The following RERE variants were observed in gnomAD, a reference collection of about 807,000 sequenced individuals.
RERE encodes the protein arginine-glutamic acid dipeptide repeats.
A neutral mutation model predicts 146.1 loss-of-function variants in RERE; 40 were observed. That is an observed-to-expected ratio of 0.27 (90% confidence interval 0.21 to 0.36). The LOEUF is 0.36. Ranked by LOEUF, RERE falls within the 10% of genes least tolerant of loss-of-function variation. The pLI, the probability that RERE is intolerant of heterozygous loss-of-function variation, is 1.00. For missense variants in RERE, 1,933 were observed against 2,138.7 expected, an observed-to-expected ratio of 0.90 and a Z score of 1.90; for synonymous variants, 1,003 against 866.0, an observed-to-expected ratio of 1.16 and a Z score of -2.78.
chr1:8,757,205 C>A (rs1250954135), intron 1 of RERE, among the ~76,000 whole-genome samples: 6 of 150,698 alleles, frequency 4.0e-5, no homozygotes, highest in Non-Finnish European at 8.8e-5. Context: ...AAAGTGTTAA[C>A]AGCTGGCAAA....
intron 8 of RERE, among the ~76,000 whole-genome samples, chr1:8,507,737 CTTT>C (rs58647657): frequency 5.8e-5 from 5 of 85,944 alleles, no homozygotes; most frequent in South Asian, 3.9e-4. Context: ...CATCTTTTAT[CTTT>C]TTTTTTTTTT....
At chr1:8,416,466 G>A (rs1038629279) in intron 12 of RERE, among the ~76,000 whole-genome samples, 52 of 151,598 alleles carry the variant, frequency 3.4e-4, no homozygotes, top group Non-Finnish European at 1.8e-4. Flanking sequence ...GGCGCCTGTA[G>A]TCCCAGCTAC....
intron 4 of RERE, among the ~76,000 whole-genome samples, chr1:8,584,192 G>A (rs1291271528): frequency 2.6e-5 from 4 of 151,908 alleles, no homozygotes; most frequent in African/African-American, 9.7e-5. Context: ...AGAGAAGTCA[G>A]AAAGAAATAA....
At chr1:8,766,994 T>C (rs778842798) in intron 1 of RERE, among the ~76,000 whole-genome samples, 2 of 152,236 alleles carry the variant, frequency 1.3e-5, no homozygotes. Context: ...AACTGCATTA[T>C]TTTTCTTTTA....
chr1:8,646,895 C>T (rs537754989), intron 2 of RERE, among the ~76,000 whole-genome samples: 2 of 152,164 alleles, frequency 1.3e-5, no homozygotes, highest in Admixed American at 6.5e-5. Flanking sequence ...CCAAGGTGGG[C>T]GGATAGTGTG....
rs116382920 is a variant in RERE at position 8,466,910 on chromosome 1, G to A, written c.1105-887C>T. 5.3e-3 allele frequency among the ~76,000 whole-genome samples: 800 copies of A among 152,312 alleles called. 8 individuals carry two copies. Among genetic ancestry groups the A allele is most frequent in the African/African-American group, 0.018 (769 of 41,570 alleles). ...AACTTGCAGATAATGTAGAGAAACAGCAGGTACAAAGATCCTCCTGCTCTA... is the reference window on the plus strand; with the variant it reads ...AACTTGCAGATAATGTAGAGAAACAACAGGTACAAAGATCCTCCTGCTCTA... On this transcript the variant is annotated intron_variant, in intron 10 of 22. Coordinates refer to ENST00000400908, the MANE Select transcript of RERE (RefSeq NM_001042681.2).
intron 8 of RERE, among the ~76,000 whole-genome samples, chr1:8,503,713 C>A (rs1484576039): frequency 6.6e-6 from 1 of 152,114 alleles, no homozygotes; most frequent in Non-Finnish European, 1.5e-5. Flanking sequence ...ATTAAAACTA[C>A]ACCAAATGGA....
intron 1 of RERE, among the ~76,000 whole-genome samples, chr1:8,673,245 GCCA>G (rs1638761719): frequency 6.6e-6 from 1 of 152,044 alleles, no homozygotes; most frequent in Admixed American, 6.6e-5. Context: ...ACAGGTGCCC[GCCA>G]CCACACCCGG....
chr1:8,780,689 C>CT (rs1016668630), intron 1 of RERE, among the ~76,000 whole-genome samples: 2 of 152,212 alleles, frequency 1.3e-5, no homozygotes, highest in African/African-American at 4.8e-5. Context: ...GAACAGGATG[C>CT]TTACCTCTCT....
intron 6 of RERE, among the ~76,000 whole-genome samples, chr1:8,549,257 C>T (rs573506348): frequency 2.0e-4 from 31 of 152,202 alleles, no homozygotes; most frequent in Middle Eastern, 3.4e-3. Flanking sequence ...AAATAAAAAA[C>T]GAGCCTGAGA....
intron 2 of RERE, among the ~76,000 whole-genome samples, chr1:8,645,263 C>T (rs1647260083): frequency 6.6e-6 from 1 of 152,134 alleles, no homozygotes; most frequent in Non-Finnish European, 1.5e-5. Flanking sequence ...AAATTATTCC[C>T]AATAATTTGG....
chr1:8,621,810 T>C lies in RERE; in HGVS notation c.396+2500A>G, dbSNP rs12046127. Reference sequence around the variant, plus strand: ...ATTTCCTTCTGCTCATCTTTTACCCTTATAGCTTCAGTAAACTGAAGGAGA... The same window carrying C: ...ATTTCCTTCTGCTCATCTTTTACCCCTATAGCTTCAGTAAACTGAAGGAGA... On this transcript the variant is annotated intron_variant, in intron 3 of 22. Transcript: ENST00000400908. 1.6e-3 allele frequency among the ~76,000 whole-genome samples: 244 copies of C among 152,338 alleles called. 4 individuals are homozygous for C. The East Asian group carries it at 0.039, about 24-fold the overall frequency.
intron 11 of RERE, among the ~76,000 whole-genome samples, chr1:8,426,411 G>A (rs1455776391): frequency 3.4e-5 from 5 of 145,962 alleles, no homozygotes; most frequent in African/African-American, 5.1e-5. Flanking sequence ...CCGAAATTGC[G>A]CCACTGCACT....
intron 1 of RERE, among the ~76,000 whole-genome samples, chr1:8,661,422 G>A (rs947102432): frequency 2.6e-5 from 4 of 152,126 alleles, no homozygotes; most frequent in Admixed American, 2.0e-4. Context: ...GAAGTTACTC[G>A]AATGACACTT....
At chr1:8,729,335 C>T (rs542822854) in intron 1 of RERE, among the ~76,000 whole-genome samples, 2 of 151,034 alleles carry the variant, frequency 1.3e-5, no homozygotes, top group South Asian at 4.2e-4. Flanking sequence ...AGTGATTCTC[C>T]TGCCTCAGCC....
chr1:8,782,539 C>T (rs1190725958), intron 1 of RERE, among the ~76,000 whole-genome samples: 1 of 152,146 alleles, frequency 6.6e-6, no homozygotes, highest in Non-Finnish European at 1.5e-5. Context: ...CAGACTCTTA[C>T]ACCATCTTAA....
intron 7 of RERE, among the ~76,000 whole-genome samples, chr1:8,521,831 A>G (rs1249299037): frequency 1.3e-5 from 2 of 152,202 alleles, no homozygotes; most frequent in Non-Finnish European, 2.9e-5. Context: ...TATTCATACC[A>G]AAGACCCATT....
Position 8,361,284 on chromosome 1 carries a change from C to T in RERE, c.2223G>A (p.Leu741=), listed in dbSNP as rs1279663245. The change falls in exon 18 of 23, where the codon TTG becomes TTA. Residue 741 remains leucine, a synonymous_variant. Transcript: ENST00000400908. ...QQMLQAQPPA[L]QAPTGVTPAP... is the part of the protein sequence containing the mutation. ...CTGGGGTGACCCCAGTGGGAGCCTG[C>T]AAGGCTGGGGGCTGGGCCTGCAGCA... The T allele has an allele frequency of 1.2e-6, 2 of 1,600,444 alleles. No homozygotes were observed. Among genetic ancestry groups the T allele is most frequent in the Non-Finnish European group, 1.7e-6 (2 of 1,173,616 alleles).
intron 12 of RERE, among the ~76,000 whole-genome samples, chr1:8,379,939 C>T (rs758189208): frequency 3.3e-5 from 5 of 152,222 alleles, no homozygotes; most frequent in Non-Finnish European, 7.3e-5. Context: ...CACAAACTCA[C>T]CACAGCACAC....
Sources: gnomAD v4.1 joint callset for allele counts (sites outside exome capture counted in the v4.1 genomes callset) on GRCh38, gnomAD v4.1.1 for gene constraint, MANE v1.5 for transcripts, NCBI Gene and HGNC (gene_info 2026-07-23, HGNC 2026-07-21) for gene names.